SNED1: variants seen among roughly 807,000 people sequenced by gnomAD.
SNED1 encodes the protein sushi, nidogen and EGF like domains 1.
In SNED1, 81 loss-of-function variants were observed where a neutral mutation model predicts 166.7. The observed-to-expected ratio is 0.49, with a 90% CI of 0.41 to 0.58. The LOEUF (loss-of-function observed/expected upper bound fraction) is 0.58, where lower values mean the gene tolerates loss of function less well. Ranked by LOEUF, SNED1 falls within the 20% of genes least tolerant of loss-of-function variation. The pLI is 0.00. For synonymous variants in SNED1, 762 were observed against 822.0 expected, an observed-to-expected ratio of 0.93 and a Z score of 1.25; for missense variants, 1,604 against 2,000.2, an observed-to-expected ratio of 0.80 and a Z score of 3.78.
At position 241,073,217 on chromosome 2, in the gene SNED1, C is replaced by A; in HGVS notation, c.3818-49C>A. The A allele has an allele frequency of 7.1e-7, 1 of 1,409,894 alleles. No homozygotes were observed. Among genetic ancestry groups the A allele is most frequent in the Non-Finnish European group, 9.8e-7 (1 of 1,021,250 alleles). The allele number at this position is 1,409,894 out of a possible 1,614,324, so 87.3% of individuals were successfully genotyped here. On this transcript the variant is annotated intron_variant, in intron 26 of 31. Coordinates refer to ENST00000310397, the MANE Select transcript of SNED1 (RefSeq NM_001080437.3). This position sits in a 1 kb window ranked among gnomAD's most constrained non-coding sequence, Gnocchi z 6.6. ...TCAAAAGGGTGGCCCCAGGACCATC[C>A]CGGGTGCAAAGCAGCTGCGCCGTGT...
At chr2:241,005,498 C>G (rs1353783572) in intron 1 of SNED1, among the ~76,000 whole-genome samples, 1 of 152,146 alleles carries the variant, frequency 6.6e-6, no homozygotes, top group Non-Finnish European at 1.5e-5. Context: ...GCCACCATGC[C>G]TGGCCCAGAT....
At position 241,012,922 on chromosome 2, in the gene SNED1, G is replaced by A. The variant is rs573475993; in HGVS notation, c.213+13872G>A. The stretch of plus-strand genomic sequence containing the variant: ...GTGATCTCAGCTCACTGCAAGCTCC[G>A]CCTCCTGGGTTCACGCCATCCTCCT... On this transcript the variant is annotated intron_variant, in intron 1 of 31. Transcript: ENST00000310397. Among the ~76,000 whole-genome samples the A allele has an allele frequency of 5.4e-5, 8 of 149,004 alleles. No individual in the cohort carries two copies. The South Asian group carries it at 1.1e-3, about 20-fold the overall frequency.
chr2:241,037,369 CG>C lies in SNED1; in HGVS notation c.1045+20del. The C allele has an allele frequency of 1.3e-6, 2 of 1,502,262 alleles. No homozygotes were observed. 93.1% of individuals were successfully genotyped at this position (1,502,262 alleles called of 1,614,324 possible). A position where few individuals can be genotyped will look rare whatever the true frequency, so the allele number is the denominator to read the frequency against. Reference sequence around the variant, plus strand: ...TGTGAGACAGGTAAGAGGAACCCACCGGGGCCCACGGGGCCCTGCTGGGGGC... The same window carrying C: ...TGTGAGACAGGTAAGAGGAACCCACCGGGCCCACGGGGCCCTGCTGGGGGC... On this transcript the variant is annotated intron_variant, in intron 6 of 31. Coordinates refer to ENST00000310397, the MANE Select transcript of SNED1 (RefSeq NM_001080437.3).
chr2:241,050,928 C>T (rs969182618), intron 12 of SNED1, among the ~76,000 whole-genome samples: 1 of 152,222 alleles, frequency 6.6e-6, no homozygotes, highest in South Asian at 2.1e-4. Context: ...AGGAACTGCA[C>T]AGCCCTCCCC....
At chr2:241,042,634 T>C (rs139925787) in intron 8 of SNED1, among the ~76,000 whole-genome samples, 1 of 152,052 alleles carries the variant, frequency 6.6e-6, no homozygotes. Context: ...GCTCCTATAA[T>C]CAAGATTGTT....
At position 241,051,816 on chromosome 2, in the gene SNED1, A is replaced by G. The variant is rs1287403126; in HGVS notation, c.1808A>G (p.His603Arg). 1.2e-5 allele frequency: 19 copies of G among 1,562,168 alleles called. No homozygotes were observed. The highest frequency in any genetic ancestry group is 1.6e-5 in the Non-Finnish European group (19 of 1,154,034). ...GTCKEAGGEYHCSCPYRFTGR... is the reference protein window; with the variant it reads ...GTCKEAGGEYRCSCPYRFTGR... Reference sequence around the variant, plus strand: ...TGCAAGGAGGCGGGCGGCGAGTACCACTGCAGCTGCCCCTACCGCTTCACT... The same window carrying G: ...TGCAAGGAGGCGGGCGGCGAGTACCGCTGCAGCTGCCCCTACCGCTTCACT... Residue 603 changes from histidine (H) to arginine (R), a missense_variant, in exon 13 of 32, where the codon CAC becomes CGC. Physicochemically the swap from His to Arg is conservative, Grantham distance 29 (BLOSUM62 0). Coordinates refer to ENST00000310397, the MANE Select transcript of SNED1 (RefSeq NM_001080437.3). The surrounding 1 kb of genome is among the most constrained non-coding windows in gnomAD (Gnocchi z 4.7).
chr2:241,010,273 G>C (rs916729969), intron 1 of SNED1: 5 of 152,310 alleles, frequency 3.3e-5, no homozygotes, highest in African/African-American at 1.2e-4. Flanking sequence ...GTCCGGGGGA[G>C]CAGGCTGTTG....
rs1185411957 is a variant in SNED1 at position 241,068,142 on chromosome 2, G to T, written c.3194+195G>T. On this transcript the variant is annotated intron_variant, in intron 22 of 31. Transcript: ENST00000310397. This position sits in a 1 kb window ranked among gnomAD's most constrained non-coding sequence, Gnocchi z 5.3. ...CTTCACTCCCGCCTCACCTCATCAG[G>T]GCTGCCAAGAGAGGATACACCTTGG... 1.3e-5 allele frequency among the ~76,000 whole-genome samples: 2 copies of T among 152,182 alleles called. No homozygotes were observed. The highest frequency in any genetic ancestry group is 2.9e-5 in the Non-Finnish European group (2 of 68,032).
chr2:241,052,277 G>T, intron 14 of SNED1, 78 bp from the exon 15 acceptor site: 1 of 1,431,038 alleles, frequency 7.0e-7, no homozygotes, highest in East Asian at 2.3e-5. Flanking sequence ...GGAGCTGGGT[G>T]CAGGAGGCAG....
At chr2:241,009,774 C>A (rs928007210) in intron 1 of SNED1, among the ~76,000 whole-genome samples, 1 of 151,966 alleles carries the variant, frequency 6.6e-6, no homozygotes, top group East Asian at 1.9e-4. Flanking sequence ...ACTGGAACAA[C>A]CCCTTGGGTG....
chr2:241,046,348 A>G (rs1559259392), intron 8 of SNED1, among the ~76,000 whole-genome samples: 1 of 152,252 alleles, frequency 6.6e-6, no homozygotes, highest in African/African-American at 2.4e-5. Context: ...ACACAAATCC[A>G]TATACAGATG....
chr2:241,087,166 GGTTT>G, intron 29 of SNED1: 1 of 505,370 alleles, frequency 2.0e-6, no homozygotes, highest in Non-Finnish European at 3.5e-6. Context: ...CATTAAAATG[GGTTT>G]ATTTTATGCA....
At chr2:241,086,480 T>C (rs1194448676) in intron 29 of SNED1, among the ~76,000 whole-genome samples, 1 of 152,210 alleles carries the variant, frequency 6.6e-6, no homozygotes, top group African/African-American at 2.4e-5. Flanking sequence ...CAAAAACTTC[T>C]CTAGGCTGAA....
chr2:241,012,921 C>T (rs543743446), intron 1 of SNED1, among the ~76,000 whole-genome samples: 6 of 151,588 alleles, frequency 4.0e-5, no homozygotes, highest in Non-Finnish European at 7.4e-5. Flanking sequence ...CTGCAAGCTC[C>T]GCCTCCTGGG....
At chr2:241,008,229 C>T (rs988689145) in intron 1 of SNED1, among the ~76,000 whole-genome samples, 3 of 152,236 alleles carry the variant, frequency 2.0e-5, no homozygotes, top group Admixed American at 6.5e-5. Flanking sequence ...GAGTCAGTGC[C>T]GTGACCAGGG....
rs560255963 is a variant in SNED1, at chr2:241,068,081, A to G, written c.3194+134A>G. 12 of 860,822 alleles carry G rather than the reference A, an allele frequency of 1.4e-5. No homozygotes were observed. The South Asian group carries it at 2.2e-4, about 16-fold the overall frequency. The allele number at this position is 860,822 out of a possible 1,614,324, so 53.3% of individuals were successfully genotyped here. On this transcript the variant is annotated intron_variant, in intron 22 of 31. Transcript: ENST00000310397. The surrounding 1 kb of genome is among the most constrained non-coding windows in gnomAD (Gnocchi z 5.3). The stretch of plus-strand genomic sequence containing the variant: ...TGCCGCTCCTCACCTGAGCGGAGAC[A>G]AAGGTCTCAGGTGAGCCAGCCTCAG...
At chr2:241,008,360 T>G (rs2060286240) in intron 1 of SNED1, among the ~76,000 whole-genome samples, 1 of 152,186 alleles carries the variant, frequency 6.6e-6, no homozygotes, top group Non-Finnish European at 1.5e-5. Flanking sequence ...TCCTCCTGCC[T>G]CCTATTCACC....
chr2:241,033,913 C>G, intron 3 of SNED1, 38 bp downstream of exon 3: 1 of 1,555,636 alleles, frequency 6.4e-7, no homozygotes, highest in Non-Finnish European at 8.7e-7. Context: ...TTCAGAACCC[C>G]TGCTCCCCAC....
intron 29 of SNED1, among the ~76,000 whole-genome samples, chr2:241,082,646 C>T (rs1242154753): frequency 6.6e-6 from 1 of 152,216 alleles, no homozygotes; most frequent in African/African-American, 2.4e-5. Context: ...CACATCAGCC[C>T]AGTCCCCACT....
Sources: gnomAD v4.1 joint callset for allele counts (sites outside exome capture counted in the v4.1 genomes callset) on GRCh38, gnomAD v4.1.1 for gene constraint, Gnocchi (gnomAD v3.1) non-coding constraint, MANE v1.5 for transcripts, NCBI Gene and HGNC (gene_info 2026-07-23, HGNC 2026-07-21) for gene names.